SPAG17: variants seen among roughly 807,000 people sequenced by gnomAD.
SPAG17 encodes the protein sperm-associated antigen 17.
In SPAG17, 169 loss-of-function variants were observed where a neutral mutation model predicts 273.6. That is an observed-to-expected ratio of 0.62 (90% CI 0.55 to 0.70). The LOEUF (loss-of-function observed/expected upper bound fraction) is 0.70, where lower values mean the gene tolerates loss of function less well. Ranked by LOEUF, SPAG17 falls within the 30% of genes least tolerant of loss-of-function variation. The pLI, the probability that SPAG17 is intolerant of heterozygous loss-of-function variation, is 0.00. For synonymous variants in SPAG17, 825 were observed against 873.2 expected (o/e 0.94, Z 0.97); for missense variants, 2,557 against 2,627.8 (o/e 0.97, Z 0.59).
At position 117,991,420 on chromosome 1, in the gene SPAG17, C is replaced by T; in HGVS notation, c.5470G>A (p.Val1824Ile). The T allele has an allele frequency of 1.9e-6, 3 of 1,584,834 alleles. No homozygotes were observed. The highest frequency in any genetic ancestry group is 1.7e-6 in the Non-Finnish European group (2 of 1,164,876). ...TATACAAGGCATTTTCTCACCATAA[C>T]CAGCTTGAGGAGATCAGCAGCATTG... ...RGNAADLLKLVMSFPKMEETT... is the reference protein window; with the variant it reads ...RGNAADLLKLIMSFPKMEETT... Residue 1824 changes from valine to isoleucine, a missense_variant, in exon 37 of 49, where the codon GTT becomes ATT. Transcript: ENST00000336338.
chr1:118,159,201 C>T (rs987762071), intron 1 of SPAG17, among the ~76,000 whole-genome samples: 4 of 152,194 alleles, frequency 2.6e-5, no homozygotes, highest in African/African-American at 9.7e-5. Flanking sequence ...CTGTACATGG[C>T]TTATATTCAC....
At chr1:118,151,643 T>C (rs1659392862) in intron 1 of SPAG17, among the ~76,000 whole-genome samples, 1 of 152,256 alleles carries the variant, frequency 6.6e-6, no homozygotes, top group Non-Finnish European at 1.5e-5. Flanking sequence ...TTCACTAGAA[T>C]GTTGTCCAAG....
intron 20 of SPAG17, among the ~76,000 whole-genome samples, chr1:118,046,709 T>C (rs1253792379): frequency 6.6e-6 from 1 of 152,162 alleles, no homozygotes; most frequent in African/African-American, 2.4e-5. Flanking sequence ...AAGAAATTTA[T>C]ACAATTATTT....
intron 3 of SPAG17, among the ~76,000 whole-genome samples, chr1:118,146,672 A>G (rs947753434): frequency 1.3e-5 from 2 of 152,106 alleles, no homozygotes; most frequent in South Asian, 4.1e-4. Context: ...GTCAAGATCT[A>G]CCTATCCAAG....
intron 3 of SPAG17, among the ~76,000 whole-genome samples, chr1:118,120,795 C>A (rs561167017): frequency 6.6e-6 from 1 of 152,300 alleles, no homozygotes; most frequent in South Asian, 2.1e-4. Flanking sequence ...CTACCAGATA[C>A]CTTTTTGCTT....
intron 23 of SPAG17, among the ~76,000 whole-genome samples, chr1:118,038,544 G>A (rs1044487621): frequency 7.9e-5 from 12 of 152,212 alleles, no homozygotes; most frequent in African/African-American, 2.9e-4. Context: ...AGGTGGGTGG[G>A]AAAATAAAAT....
chr1:118,039,514 T>C (rs4559488), intron 22 of SPAG17, 70 bp from the exon 23 acceptor site: 1 of 1,478,382 alleles, frequency 6.8e-7, no homozygotes, highest in Non-Finnish European at 9.4e-7. Context: ...ACAAGATGGT[T>C]ACACAATGCT....
At position 117,964,004 on chromosome 1, in the gene SPAG17, C is replaced by G. The variant is rs1422977926; in HGVS notation, c.6533-66G>C. ...TATTTGCATATATAAACCTAAATAA[C>G]ATTTTAGAATCATAGAATTTCTTCT... On this transcript the variant is annotated intron_variant, in intron 47 of 48. Coordinates refer to ENST00000336338, the MANE Select transcript of SPAG17 (RefSeq NM_206996.4). The G allele has an allele frequency of 1.1e-5, 17 of 1,515,944 alleles. No individual in the cohort carries two copies. In the Admixed American group the frequency reaches 3.2e-4, roughly 29 times the overall value. The allele number at this position is 1,515,944 out of a possible 1,614,324, so 93.9% of individuals were successfully genotyped here. A position where few individuals can be genotyped will look rare whatever the true frequency, so the allele number is the denominator to read the frequency against.
chr1:118,004,622 G>A (rs1366500861), intron 32 of SPAG17, among the ~76,000 whole-genome samples: 1 of 152,244 alleles, frequency 6.6e-6, no homozygotes, highest in Non-Finnish European at 1.5e-5. Flanking sequence ...ACCAAGCCAG[G>A]CATGGGAGAG....
At chr1:118,036,603 C>T in intron 24 of SPAG17, 167 bp downstream of exon 24, 1 of 311,694 alleles carries the variant, frequency 3.2e-6, no homozygotes, top group East Asian at 5.6e-5. Context: ...CATATATAGA[C>T]ACACACACAC....
chr1:118,009,480 G>C (rs1659249741), intron 30 of SPAG17, among the ~76,000 whole-genome samples: 1 of 152,122 alleles, frequency 6.6e-6, no homozygotes, highest in African/African-American at 2.4e-5. Context: ...AAGGCTTTTA[G>C]AGTCTTTGAG....
chr1:118,066,297 C>T (rs1169431573), intron 18 of SPAG17, among the ~76,000 whole-genome samples: 1 of 151,960 alleles, frequency 6.6e-6, no homozygotes, highest in African/African-American at 2.4e-5. Flanking sequence ...ATCACTAACC[C>T]CTAGGCTCTC....
intron 3 of SPAG17, among the ~76,000 whole-genome samples, chr1:118,132,338 A>G (rs983530407): frequency 2.6e-5 from 4 of 152,168 alleles, no homozygotes; most frequent in Admixed American, 6.5e-5. Flanking sequence ...GAGGCCAGAG[A>G]AAGTAGCATA....
At position 117,978,653 on chromosome 1, in the gene SPAG17, A is replaced by G. The variant is rs988127309; in HGVS notation, c.6004+2617T>C. ...TGTACATTTGTGCTGCCACTATTCT[A>G]TCTATTACCCACTTCACTTAGGCTT... On this transcript the variant is annotated intron_variant, in intron 43 of 48. Coordinates refer to ENST00000336338, the MANE Select transcript of SPAG17 (RefSeq NM_206996.4). Among the ~76,000 whole-genome samples the G allele has an allele frequency of 3.3e-5, 5 of 152,162 alleles. No homozygotes were observed. In the East Asian group the frequency reaches 5.8e-4, roughly 18 times the overall value.
rs532864001 is a variant in SPAG17 at position 118,016,605 on chromosome 1, G to T, written c.4070-423C>A. Reference sequence around the variant, plus strand: ...CCTTTTGACATATTGGACTATAACAGTTACTAAATTTTTAACTCTTGATTC... The same window carrying T: ...CCTTTTGACATATTGGACTATAACATTTACTAAATTTTTAACTCTTGATTC... On this transcript the variant is annotated intron_variant, in intron 28 of 48. Coordinates refer to ENST00000336338, the MANE Select transcript of SPAG17 (RefSeq NM_206996.4). Among the ~76,000 whole-genome samples the T allele has an allele frequency of 2.6e-5, 4 of 152,240 alleles. No individual in the cohort carries two copies. In the South Asian group the frequency reaches 8.3e-4, roughly 32 times the overall value.
intron 18 of SPAG17, among the ~76,000 whole-genome samples, chr1:118,063,490 T>G (rs1281789940): frequency 2.0e-5 from 3 of 152,202 alleles, no homozygotes; most frequent in Non-Finnish European, 4.4e-5. Flanking sequence ...GGGGAAAAGA[T>G]TCCCTATTTA....
chr1:118,007,300 C>A (rs192533912), intron 31 of SPAG17, among the ~76,000 whole-genome samples: 60 of 152,310 alleles, frequency 3.9e-4, no homozygotes, highest in Admixed American at 3.7e-3. Flanking sequence ...CTGACTTCAG[C>A]AACTTTCACA....
intron 48 of SPAG17, chr1:117,959,241 ATGAAT>A (rs1652676076): frequency 6.3e-7 from 1 of 1,583,252 alleles, no homozygotes; most frequent in Non-Finnish European, 8.6e-7. Context: ...CGCTGCTATA[ATGAAT>A]TGAAGTGGGA....
intron 48 of SPAG17, chr1:117,955,001 G>T (rs113352337): frequency 6.8e-5 from 26 of 379,790 alleles, no homozygotes; most frequent in African/African-American, 3.5e-4. Context: ...AAGAGTGATG[G>T]GAGAATGTAT....
Sources: gnomAD v4.1 joint callset for allele counts (sites outside exome capture counted in the v4.1 genomes callset) on GRCh38, gnomAD v4.1.1 for gene constraint, MANE v1.5 for transcripts, NCBI Gene and HGNC (gene_info 2026-07-23, HGNC 2026-07-21) for gene names.